Variants in EHMT1 observed in about 807,000 individuals in gnomAD.
EHMT1 encodes euchromatic histone lysine methyltransferase 1, also known as histone-lysine N-methyltransferase EHMT1.
In EHMT1, 15 loss-of-function variants were observed where a neutral mutation model predicts 147.2. The ratio of observed to expected loss-of-function variants is 0.10; its 90% CI spans 0.07 to 0.16. The LOEUF is 0.16. EHMT1 is among the 10% of genes least tolerant of loss of function. The pLI, the probability that EHMT1 is intolerant of heterozygous loss-of-function variation, is 1.00. For missense variants in EHMT1, 1,587 were observed against 1,772.4 expected, an observed-to-expected ratio of 0.90 and a Z score of 1.88; for synonymous variants, 795 against 709.6, an observed-to-expected ratio of 1.12 and a Z score of -1.91.
chr9:137,744,100 G>C lies in EHMT1; in HGVS notation c.1170+10G>C, dbSNP rs1948345999. On this transcript the variant is annotated intron_variant, in intron 6 of 26. Coordinates refer to ENST00000460843, the MANE Select transcript of EHMT1 (RefSeq NM_024757.5). ...TGATCGCGCCCAGAAGGTATGTGTT[G>C]CTGTCTTGGGTGACAGCACAAGGAA... 1.9e-6 allele frequency: 3 copies of C among 1,613,656 alleles called. No homozygotes were observed. Among genetic ancestry groups the C allele is most frequent in the Admixed American group, 3.3e-5 (2 of 60,006 alleles).
chr9:137,737,228 A>G (rs1052376824), intron 4 of EHMT1, among the ~76,000 whole-genome samples: 2 of 152,332 alleles, frequency 1.3e-5, no homozygotes, highest in Non-Finnish European at 2.9e-5. Flanking sequence ...TAATATATGT[A>G]TATGTGGAAA....
At chr9:137,619,334 C>T (rs1842804721) in intron 1 of EHMT1, among the ~76,000 whole-genome samples, 1 of 150,732 alleles carries the variant, frequency 6.6e-6, no homozygotes, top group African/African-American at 2.4e-5. Flanking sequence ...CGACCGCGTA[C>T]CTGTGCCCGC....
At chr9:137,630,412 A>G (rs1210552416) in intron 1 of EHMT1, among the ~76,000 whole-genome samples, 2 of 152,210 alleles carry the variant, frequency 1.3e-5, no homozygotes, top group East Asian at 3.8e-4. Context: ...GAGTTAGTCT[A>G]GGTCTTTTTT....
intron 1 of EHMT1, among the ~76,000 whole-genome samples, chr9:137,620,601 C>T (rs1055363071): frequency 2.0e-5 from 3 of 152,064 alleles, no homozygotes; most frequent in Non-Finnish European, 2.9e-5. Context: ...CCATGTTGCC[C>T]AGGCTGGTCT....
rs150555158 is a variant in EHMT1, at chr9:137,834,480, C to T, written c.3672C>T (p.Ile1224=). Residue 1224 remains isoleucine, a synonymous_variant, in exon 26 of 27, where the codon ATC becomes ATT. Coordinates refer to ENST00000460843, the MANE Select transcript of EHMT1 (RefSeq NM_024757.5). The part of the protein sequence containing the change: ...MAHQDLRFPR[I]AFFSTRLIEA... The stretch of plus-strand genomic sequence containing the variant: ...ACCAGGACCTGCGGTTCCCCCGGAT[C>T]GCCTTCTTCAGCACCCGCCTGATCG... 3 of 1,612,548 alleles carry T rather than the reference C, an allele frequency of 1.9e-6. No individual in the cohort carries two copies. The highest frequency in any genetic ancestry group is 2.7e-5 in the African/African-American group (2 of 74,920).
intron 25 of EHMT1, 120 bp from the exon 26 acceptor site, chr9:137,834,229 C>G: frequency 7.5e-7 from 1 of 1,338,524 alleles, no homozygotes; most frequent in Non-Finnish European, 1.0e-6. Context: ...AAGGCCCCTC[C>G]TGCATGGCGG....
intron 3 of EHMT1, among the ~76,000 whole-genome samples, chr9:137,718,278 G>A (rs1945563682): frequency 6.6e-6 from 1 of 152,244 alleles, no homozygotes. Context: ...CTTACGTGGT[G>A]CATACACGAT....
chr9:137,758,409 T>C (rs541545459), intron 9 of EHMT1, among the ~76,000 whole-genome samples: 1 of 152,356 alleles, frequency 6.6e-6, no homozygotes, highest in South Asian at 2.1e-4. Context: ...AGTGTTGAGC[T>C]GAGAGTTCTG....
In EHMT1 at chr9:137,716,672, A is replaced by T. The variant is rs1945340807; in HGVS notation, c.132A>T (p.Gly44=). ...AAGGCTCAGCAGAGAAACAGGCAGGAGAGGCCCACATGGCTGCGGACGGTG... is the reference window on the plus strand; with the variant it reads ...AAGGCTCAGCAGAGAAACAGGCAGGTGAGGCCCACATGGCTGCGGACGGTG... ...ADEGSAEKQA[G]EAHMAADGET... is the part of the protein sequence containing the mutation. The change falls in exon 3 of 27, where the codon GGA becomes GGT. Residue 44 remains glycine (G), a synonymous_variant. Coordinates refer to ENST00000460843, the MANE Select transcript of EHMT1 (RefSeq NM_024757.5). 1 of 1,600,368 alleles carries T rather than the reference A, an allele frequency of 6.2e-7. No individual in the cohort carries two copies. The highest frequency in any genetic ancestry group is 8.5e-7 in the Non-Finnish European group (1 of 1,170,904).
At chr9:137,810,364 C>T (rs1954365976) in intron 18 of EHMT1, among the ~76,000 whole-genome samples, 1 of 152,226 alleles carries the variant, frequency 6.6e-6, no homozygotes, top group South Asian at 2.1e-4. Flanking sequence ...GACGAAGGGT[C>T]AGGGACAGGT....
intron 18 of EHMT1, 57 bp downstream of exon 18, chr9:137,801,041 C>A: frequency 6.7e-7 from 1 of 1,492,056 alleles, no homozygotes; most frequent in Non-Finnish European, 9.3e-7. Flanking sequence ...GGACCTCCTC[C>A]CCCAGAAGGT....
At position 137,813,230 on chromosome 9, in the gene EHMT1, A is replaced by G; in HGVS notation, c.3035+57A>G. ...AATCAGCGGTCAGCAGGGCTTTGGG[A>G]ACTTGCGGTGAAAGCTGCTCCTGAA... is the stretch of plus-strand genomic sequence containing the variant. On this transcript the variant is annotated intron_variant, in intron 20 of 26. Coordinates refer to ENST00000460843, the MANE Select transcript of EHMT1 (RefSeq NM_024757.5). This position sits in a 1 kb window ranked among gnomAD's most constrained non-coding sequence, Gnocchi z 4.9. The G allele has an allele frequency of 3.1e-6, 5 of 1,591,282 alleles. No individual in the cohort carries two copies. Among genetic ancestry groups the G allele is most frequent in the Non-Finnish European group, 4.3e-6 (5 of 1,174,720 alleles).
intron 4 of EHMT1, chr9:137,742,950 C>A: frequency 7.2e-6 from 2 of 277,404 alleles, no homozygotes; most frequent in South Asian, 3.7e-5. Context: ...GCTGCGTCCT[C>A]CCTGCTGCAC....
intron 2 of EHMT1, among the ~76,000 whole-genome samples, chr9:137,714,992 A>T (rs565639593): frequency 1.3e-5 from 2 of 151,982 alleles, no homozygotes; most frequent in Non-Finnish European, 2.9e-5. Context: ...AGTTTTCCCT[A>T]CTTCTGTGAA....
chr9:137,643,493 C>T (rs1041645275), intron 1 of EHMT1, among the ~76,000 whole-genome samples: 5 of 151,850 alleles, frequency 3.3e-5, no homozygotes, highest in Non-Finnish European at 7.4e-5. Context: ...GGACTACAGG[C>T]ACCTGCCATC....
intron 1 of EHMT1, among the ~76,000 whole-genome samples, chr9:137,677,256 C>T (rs7870573): frequency 0.014 from 2,132 of 152,170 alleles, 53 homozygotes; most frequent in African/African-American, 0.049. Context: ...GTCTCAGTCT[C>T]CCAAGTAGCT....
At chr9:137,812,160 G>A (rs1237639288) in intron 19 of EHMT1, among the ~76,000 whole-genome samples, 2 of 152,210 alleles carry the variant, frequency 1.3e-5, no homozygotes, top group Admixed American at 1.3e-4. Flanking sequence ...CCAACATGGT[G>A]AAACCCCATC....
chr9:137,760,967 A>G (rs1309545949), intron 9 of EHMT1, among the ~76,000 whole-genome samples: 6 of 152,350 alleles, frequency 3.9e-5, no homozygotes, highest in South Asian at 2.1e-4. Context: ...AGATCGCACC[A>G]CTGCACTCCA....
chr9:137,801,691 G>A (rs1953504049), intron 18 of EHMT1, among the ~76,000 whole-genome samples: 1 of 152,112 alleles, frequency 6.6e-6, no homozygotes, highest in South Asian at 2.1e-4. Flanking sequence ...TAGAGACGGG[G>A]TTTTACCGTG....
Sources: gnomAD v4.1 joint callset for allele counts (sites outside exome capture counted in the v4.1 genomes callset) on GRCh38, gnomAD v4.1.1 for gene constraint, Gnocchi (gnomAD v3.1) non-coding constraint, MANE v1.5 for transcripts, NCBI Gene and HGNC (gene_info 2026-07-23, HGNC 2026-07-21) for gene names.